The following C3orf52 variants were observed in gnomAD, a reference collection of about 807,000 sequenced individuals.
C3orf52 encodes chromosome 3 open reading frame 52.
In C3orf52, 22 loss-of-function variants were observed where a neutral mutation model predicts 24.8. The ratio of observed to expected loss-of-function variants is 0.89; its 90% confidence interval spans 0.63 to 1.27. The LOEUF is 1.27. Ranked by LOEUF, C3orf52 falls within the 50% of genes most tolerant of loss-of-function variation. C3orf52 has a pLI of 0.00. For synonymous variants in C3orf52, 93 were observed against 100.2 expected, an observed-to-expected ratio of 0.93 and a Z score of 0.43; for missense variants, 265 against 260.7, an observed-to-expected ratio of 1.02 and a Z score of -0.11.
At chr3:112,120,897 T>C (rs1576154604), downstream of C3orf52, 1 of 152,322 alleles carries the variant, frequency 6.6e-6, no homozygotes, top group East Asian at 1.9e-4. Context: ...ATATTAAGTA[T>C]ATTACACTCA....
At chr3:112,133,142 T>A, downstream of C3orf52, 1 of 1,613,590 alleles carries the variant, frequency 6.2e-7, no homozygotes, top group South Asian at 1.1e-5. Flanking sequence ...TCTCAGGGCT[T>A]CCCCTCCGTC....
intron 3 of C3orf52, among the ~76,000 whole-genome samples, chr3:112,104,387 C>T (rs2074005751): frequency 6.6e-6 from 1 of 152,160 alleles, no homozygotes; most frequent in Non-Finnish European, 1.5e-5. Context: ...TTCTTCTCTG[C>T]CATTGCTAGG....
chr3:112,097,966 G>A (rs2073940059), intron 2 of C3orf52, among the ~76,000 whole-genome samples: 1 of 152,170 alleles, frequency 6.6e-6, no homozygotes, highest in African/African-American at 2.4e-5. Context: ...CATCACCAAA[G>A]TCTGAATGCA....
chr3:112,090,287 CTTTTT>C (rs386397627), intron 1 of C3orf52, among the ~76,000 whole-genome samples: 5 of 109,048 alleles, frequency 4.6e-5, no homozygotes, highest in African/African-American at 1.9e-4. Flanking sequence ...GTTTCATGTG[CTTTTT>C]TTTTTTTTTT....
At chr3:112,113,377 A>G (rs760497531) in intron 5 of C3orf52, among the ~76,000 whole-genome samples, 1 of 152,190 alleles carries the variant, frequency 6.6e-6, no homozygotes. Context: ...TTGGGGAGCA[A>G]TTATGGAAAA....
chr3:112,109,778 A>G (rs1379618919), intron 4 of C3orf52, 165 bp downstream of exon 4: 8 of 500,016 alleles, frequency 1.6e-5, no homozygotes, highest in Admixed American at 3.5e-5. Context: ...TTACACCAAC[A>G]GGCTCAACTC....
chr3:112,128,406 A>G, exon 5 of C3orf52: 1 of 415,746 alleles, frequency 2.4e-6, no homozygotes. Flanking sequence ...TGGAAATTTT[A>G]CAAATCATTT....
intron 2 of C3orf52, among the ~76,000 whole-genome samples, chr3:112,101,911 G>A (rs1348200669): frequency 6.6e-6 from 1 of 152,172 alleles, no homozygotes; most frequent in Non-Finnish European, 1.5e-5. Flanking sequence ...CTAGCTTCTG[G>A]CGCCTGGCTC....
chr3:112,123,674 G>T, intron 4 of C3orf52: 1 of 1,614,042 alleles, frequency 6.2e-7, no homozygotes, highest in East Asian at 2.2e-5. Context: ...CATTCTCATA[G>T]TACTCTTCAG....
intron 5 of C3orf52, among the ~76,000 whole-genome samples, chr3:112,116,168 G>C (rs2074131823): frequency 6.6e-6 from 1 of 152,184 alleles, no homozygotes; most frequent in South Asian, 2.1e-4. Flanking sequence ...TGGCGAGGCT[G>C]GACTCCTGGT....
chr3:112,102,373 G>A lies in C3orf52; in HGVS notation c.269-465G>A, dbSNP rs142417447. ...CCATTTATAAAATGTAAATGATTTC[G>A]GAATCTGAGTCTATAAATATACCTT... On this transcript the variant is annotated intron_variant, in intron 2 of 5. Transcript: ENST00000264848. 5.3e-4 allele frequency among the ~76,000 whole-genome samples: 80 copies of A among 151,254 alleles called. 2 individuals carry two copies. The East Asian group carries it at 0.015, about 28-fold the overall frequency.
chr3:112,128,702 T>A, exon 5 of C3orf52: 4 of 163,036 alleles, frequency 2.5e-5, no homozygotes. Context: ...TCAGCAAATC[T>A]ACCACCTTGA....
intron 5 of C3orf52, 143 bp downstream of exon 5, chr3:112,113,288 A>T: frequency 1.6e-6 from 1 of 639,160 alleles, no homozygotes; most frequent in Non-Finnish European, 2.7e-6. Flanking sequence ...TCCCCTCAGC[A>T]GATGGTGTTG....
intron 1 of C3orf52, among the ~76,000 whole-genome samples, chr3:112,090,684 CA>C (rs2073869719): frequency 6.6e-6 from 1 of 151,930 alleles, no homozygotes; most frequent in Non-Finnish European, 1.5e-5. Context: ...TGGTTTTTTT[CA>C]ACACACCAGA....
downstream of C3orf52, among the ~76,000 whole-genome samples, chr3:112,118,707 G>A (rs1288325903): frequency 6.6e-6 from 1 of 152,140 alleles, no homozygotes; most frequent in East Asian, 1.9e-4. Context: ...TTCTGCTATA[G>A]GAGATAAATC....
At chr3:112,112,815 C>T in intron 4 of C3orf52, 149 bp from the exon 5 acceptor site, 1 of 746,656 alleles carries the variant, frequency 1.3e-6, no homozygotes, top group Middle Eastern at 3.5e-4. Context: ...TCTTATAGGA[C>T]AGTATGTTCT....
At chr3:112,101,050 A>G (rs748937336) in intron 2 of C3orf52, among the ~76,000 whole-genome samples, 2 of 152,136 alleles carry the variant, frequency 1.3e-5, no homozygotes, top group African/African-American at 2.4e-5. Context: ...TTTTGCTATG[A>G]AGGCGTAACT....
chr3:112,119,410 G>A (rs1475509676), downstream of C3orf52: 11 of 699,118 alleles, frequency 1.6e-5, no homozygotes, highest in Non-Finnish European at 1.3e-5. Context: ...AGAAACAGTA[G>A]GGTTGCGGGT....
chr3:112,123,399 C>T, intron 4 of C3orf52: 2 of 1,574,222 alleles, frequency 1.3e-6, no homozygotes, highest in South Asian at 1.2e-5. Context: ...TCAGGCAGAT[C>T]CCCCATCCCA....
Sources: allele counts gnomAD v4.1 joint callset (sites outside exome capture counted in the v4.1 genomes callset), GRCh38; gene constraint gnomAD v4.1.1; transcripts MANE v1.5; gene names NCBI Gene and HGNC (gene_info 2026-07-23, HGNC 2026-07-21).